Variants in ABHD2 observed in about 807,000 individuals in gnomAD.
The protein encoded by ABHD2 is monoacylglycerol lipase ABHD2.
Under a neutral mutation model 48.1 loss-of-function variants are expected in ABHD2, and 20 were observed. That is an observed-to-expected ratio of 0.42 (90% CI 0.29 to 0.60). The LOEUF (loss-of-function observed/expected upper bound fraction) is 0.60, where lower values mean the gene tolerates loss of function less well. ABHD2 is among the 20% of genes least tolerant of loss of function. The pLI is 0.24. For synonymous variants in ABHD2, 209 were observed against 214.2 expected, an observed-to-expected ratio of 0.98 and a Z score of 0.21; for missense variants, 405 against 550.9, an observed-to-expected ratio of 0.74 and a Z score of 2.65.
rs180745338 is a variant in ABHD2 at position 89,174,864 on chromosome 15, C to A, written c.539-948C>A. 1.1e-3 allele frequency among the ~76,000 whole-genome samples: 163 copies of A among 152,282 alleles called. 1 individual carries two copies. The highest frequency in any genetic ancestry group is 3.9e-3 in the African/African-American group (161 of 41,542). On this transcript the variant is annotated intron_variant, in intron 5 of 10. Coordinates refer to ENST00000352732, the MANE Select transcript of ABHD2 (RefSeq NM_152924.5). This position sits in a 1 kb window ranked among gnomAD's most constrained non-coding sequence, Gnocchi z 4.1. ...AAGCTGCTGAGACATAACATGGCTT[C>A]AATAACTTCCCAAGGGGACACCAGC...
At chr15:89,172,684 A>G (rs1745411482) in intron 5 of ABHD2, among the ~76,000 whole-genome samples, 2 of 152,222 alleles carry the variant, frequency 1.3e-5, no homozygotes, top group Admixed American at 6.5e-5. Flanking sequence ...TAAGCTGTTT[A>G]TGTATATCAC....
the ABHD2 span, among the ~76,000 whole-genome samples, chr15:89,055,984 C>G: frequency 0.15 from 22,052 of 152,068 alleles, 1,747 homozygotes; most frequent in South Asian, 0.28. Context: ...CTGCCTCAGC[C>G]TCCTGAGTAG....
the ABHD2 span, among the ~76,000 whole-genome samples, chr15:89,050,277 AT>A: frequency 6.6e-6 from 1 of 152,068 alleles, no homozygotes; most frequent in Non-Finnish European, 1.5e-5. Flanking sequence ...GGTCACTTAG[AT>A]GGAATTTGCC....
Position 89,201,829 on chromosome 15 carries a change from GGCTTGCTCGCTGGGGGC to G in ABHD2, c.*6408_*6424del. The G allele has an allele frequency of 8.5e-7, 1 of 1,174,656 alleles. No individual in the cohort carries two copies. Among genetic ancestry groups the G allele is most frequent in the African/African-American group, 2.1e-5 (1 of 48,496 alleles). The allele number at this position is 1,174,656 out of a possible 1,614,324, so 72.8% of individuals were successfully genotyped here. A position where few individuals can be genotyped will look rare whatever the true frequency, so the allele number is the denominator to read the frequency against. ...GGAGAGACAGCGCAGAGCAGGGGGC[GGCTTGCTCGCTGGGGGC>G]GGGGGACGATGGCGAGAGGGGAGGG... On this transcript the variant is annotated 3_prime_UTR_variant, in exon 11 of 11. Transcript: ENST00000352732.
chr15:89,087,422 CA>C (rs1901398329), upstream of ABHD2: 2 of 152,202 alleles, frequency 1.3e-5, no homozygotes, highest in Non-Finnish European at 2.9e-5. This position sits in a 1 kb window ranked among gnomAD's most constrained non-coding sequence, Gnocchi z 5.5. Flanking sequence ...TCAAGTCGCT[CA>C]AGTGTTCTAT....
At chr15:89,178,287 C>A (rs1824672769) in intron 6 of ABHD2, among the ~76,000 whole-genome samples, 2 of 152,204 alleles carry the variant, frequency 1.3e-5, no homozygotes, top group Admixed American at 6.5e-5. Flanking sequence ...TAAACCAGAT[C>A]TATGGAATAA....
chr15:89,069,285 G>C, the ABHD2 span, among the ~76,000 whole-genome samples: 3 of 151,610 alleles, frequency 2.0e-5, no homozygotes, highest in African/African-American at 7.3e-5. Context: ...GCACAACCAC[G>C]CCTGGCTAAT....
rs1187204231 is a variant in ABHD2, at chr15:89,164,775, T to C, written c.538+9241T>C. Among the ~76,000 whole-genome samples the C allele has an allele frequency of 1.3e-5, 2 of 149,734 alleles. No homozygotes were observed. Among genetic ancestry groups the C allele is most frequent in the Non-Finnish European group, 2.9e-5 (2 of 67,956 alleles). The stretch of plus-strand genomic sequence containing the variant: ...CTAGACGACAGAGACTGACCCTGTC[T>C]TTAAAAAAAAAAAAATGGCAATAAT... On this transcript the variant is annotated intron_variant, in intron 5 of 10. Coordinates refer to ENST00000352732, the MANE Select transcript of ABHD2 (RefSeq NM_152924.5). The surrounding 1 kb of genome is among the most constrained non-coding windows in gnomAD (Gnocchi z 5.0).
chr15:89,141,462 A>G (rs1272278587), intron 3 of ABHD2, among the ~76,000 whole-genome samples: 1 of 152,110 alleles, frequency 6.6e-6, no homozygotes, highest in Non-Finnish European at 1.5e-5. Context: ...GTGAAATCCC[A>G]TCTCTGCTAA....
At position 89,122,426 on chromosome 15, in the gene ABHD2, C is replaced by T. The variant is rs554505142; in HGVS notation, c.194+5905C>T. Among the ~76,000 whole-genome samples the T allele has an allele frequency of 8.9e-4, 135 of 152,294 alleles. 1 individual carries two copies. Among genetic ancestry groups the T allele is most frequent in the African/African-American group, 2.7e-3 (113 of 41,564 alleles). Reference sequence around the variant, plus strand: ...TTTTCCATAAACAGGTGTAAGTGAACGATGTTCTCATTTTGGCAGACGCCA... The same window carrying T: ...TTTTCCATAAACAGGTGTAAGTGAATGATGTTCTCATTTTGGCAGACGCCA... On this transcript the variant is annotated intron_variant, in intron 3 of 10. Transcript: ENST00000352732.
chr15:89,116,022 T>A lies in ABHD2; in HGVS notation c.-6-300T>A, dbSNP rs542661249. 1.3e-5 allele frequency among the ~76,000 whole-genome samples: 2 copies of A among 152,232 alleles called. No homozygotes were observed. Among genetic ancestry groups the A allele is most frequent in the African/African-American group, 2.4e-5 (1 of 41,460 alleles). ...TTTTTCCCCCTCCGATAAAGGACAC[T>A]ATTCTTAGCATTTTTCAATTTTCTG... is the stretch of plus-strand genomic sequence containing the variant. On this transcript the variant is annotated intron_variant, in intron 2 of 10. Transcript: ENST00000352732. The surrounding 1 kb of genome is among the most constrained non-coding windows in gnomAD (Gnocchi z 4.6).
rs530932220 is a variant in ABHD2 at position 89,187,737 on chromosome 15, C to T, written c.816-456C>T. Among the ~76,000 whole-genome samples, 4 of 152,364 alleles carry T rather than the reference C, an allele frequency of 2.6e-5. No individual in the cohort carries two copies. The South Asian group carries it at 6.2e-4, about 24-fold the overall frequency. ...TTTGCCCAAATGCTAAATGAGTTAA[C>T]CCTTGTCTTCCTCGCTTTTTGTTTG... On this transcript the variant is annotated intron_variant, in intron 7 of 10. Transcript: ENST00000352732.
chr15:89,135,549 A>T, intron 3 of ABHD2: 1 of 1,424,908 alleles, frequency 7.0e-7, no homozygotes, highest in Non-Finnish European at 9.7e-7. Context: ...CAACTTATTC[A>T]TCATCATCTT....
At chr15:89,063,946 C>A in the ABHD2 span, among the ~76,000 whole-genome samples, 1 of 152,010 alleles carries the variant, frequency 6.6e-6, no homozygotes, top group South Asian at 2.1e-4. Flanking sequence ...TCTTAACAGG[C>A]CACGGACAGG....
At chr15:89,085,711 C>T (rs1901335818), upstream of ABHD2, among the ~76,000 whole-genome samples, 1 of 152,184 alleles carries the variant, frequency 6.6e-6, no homozygotes, top group South Asian at 2.1e-4. The surrounding 1 kb of genome is among the most constrained non-coding windows in gnomAD (Gnocchi z 4.2). Context: ...AGAAAAAAGC[C>T]ATTTACACAA....
the ABHD2 span, among the ~76,000 whole-genome samples, chr15:89,050,726 G>T: frequency 6.6e-6 from 1 of 152,120 alleles, no homozygotes; most frequent in Non-Finnish European, 1.5e-5. Context: ...TGCTAATCTT[G>T]CCACCTTCCC....
rs148827969 is a variant in ABHD2 at position 89,186,716 on chromosome 15, G to A, written c.815+1200G>A. On this transcript the variant is annotated intron_variant, in intron 7 of 10. Transcript: ENST00000352732. This position sits in a 1 kb window ranked among gnomAD's most constrained non-coding sequence, Gnocchi z 4.3. ...TGCTCCCAGCACCCGAGACACACCC[G>A]TTCGCTCAAAAAAATTTGGGGGATT... Among the ~76,000 whole-genome samples the A allele has an allele frequency of 1.3e-5, 2 of 152,236 alleles. No homozygotes were observed. The highest frequency in any genetic ancestry group is 3.9e-4 in the East Asian group (2 of 5,184).
intron 5 of ABHD2, among the ~76,000 whole-genome samples, chr15:89,160,249 C>T (rs1313906789): frequency 1.3e-5 from 2 of 152,166 alleles, no homozygotes; most frequent in African/African-American, 2.4e-5. Flanking sequence ...TGAGGCAGGT[C>T]CACAGTTAAC....
chr15:89,061,017 A>G, the ABHD2 span, among the ~76,000 whole-genome samples: 2 of 152,178 alleles, frequency 1.3e-5, no homozygotes, highest in East Asian at 1.9e-4. Flanking sequence ...GTTCTCAGTT[A>G]TAAGTAGAGC....
Sources: gnomAD v4.1 joint callset for allele counts (sites outside exome capture counted in the v4.1 genomes callset) on GRCh38, gnomAD v4.1.1 for gene constraint, Gnocchi (gnomAD v3.1) non-coding constraint, MANE v1.5 for transcripts, NCBI Gene and HGNC (gene_info 2026-07-23, HGNC 2026-07-21) for gene names.